The following FLI1 variants were observed in gnomAD, a reference collection of about 807,000 sequenced individuals.
FLI1 encodes Fli-1 proto-oncogene, ETS transcription factor.
A neutral mutation model predicts 53.1 loss-of-function variants in FLI1; 13 were observed. The observed-to-expected ratio is 0.24, with a 90% CI of 0.16 to 0.39. The LOEUF is 0.39. FLI1 is among the 10% of genes least tolerant of loss of function. The pLI is 1.00. For missense variants in FLI1, 424 were observed against 600.5 expected (o/e 0.71, Z 3.07); for synonymous variants, 244 against 236.7 (o/e 1.03, Z -0.28).
chr11:128,726,454 G>T (rs542028961), intron 1 of FLI1, among the ~76,000 whole-genome samples: 2 of 152,276 alleles, frequency 1.3e-5, no homozygotes, highest in South Asian at 4.1e-4. Flanking sequence ...AAATCCTCAG[G>T]TGTCATCAAA....
At chr11:128,714,610 C>T (rs981835444) in intron 1 of FLI1, among the ~76,000 whole-genome samples, 4 of 151,654 alleles carry the variant, frequency 2.6e-5, no homozygotes, top group African/African-American at 9.7e-5. Context: ...ACAACTTTGG[C>T]AGGAGATATC....
intron 6 of FLI1, chr11:128,806,857 A>C (rs1942795316): frequency 4.7e-6 from 1 of 211,360 alleles, no homozygotes; most frequent in South Asian, 1.7e-4. Context: ...CTATACTGTT[A>C]GTTTACTTTT....
upstream of FLI1, among the ~76,000 whole-genome samples, chr11:128,688,963 A>C (rs1937635926): frequency 6.6e-6 from 1 of 152,168 alleles, no homozygotes; most frequent in Admixed American, 6.5e-5. Context: ...GGTTAATGTG[A>C]TGTGAGGGGC....
At chr11:128,798,378 A>G (rs1942507559) in intron 5 of FLI1, among the ~76,000 whole-genome samples, 1 of 151,344 alleles carries the variant, frequency 6.6e-6, no homozygotes, top group Non-Finnish European at 1.5e-5. Flanking sequence ...GAAATAGAAG[A>G]AGGTCCCAGG....
intron 5 of FLI1, among the ~76,000 whole-genome samples, chr11:128,791,769 C>G (rs1162867566): frequency 1.3e-5 from 2 of 152,168 alleles, no homozygotes; most frequent in Non-Finnish European, 2.9e-5. Context: ...TCAGTCCCAT[C>G]CCTGAACAAG....
chr11:128,762,627 G>A (rs1039269818), intron 2 of FLI1, among the ~76,000 whole-genome samples: 4 of 152,122 alleles, frequency 2.6e-5, no homozygotes, highest in Non-Finnish European at 5.9e-5. Context: ...TCATCGTTTT[G>A]TTTTCTTTTA....
chr11:128,773,268 T>C (rs1290722754), intron 4 of FLI1, among the ~76,000 whole-genome samples: 1 of 152,208 alleles, frequency 6.6e-6, no homozygotes, highest in African/African-American at 2.4e-5. Flanking sequence ...GAGACCGCCT[T>C]TCCAGAAACT....
chr11:128,688,184 G>A (rs960108624), intron 1 of FLI1, among the ~76,000 whole-genome samples: 4 of 152,134 alleles, frequency 2.6e-5, no homozygotes, highest in African/African-American at 9.7e-5. Flanking sequence ...ACACACCCCG[G>A]GACCCAGGAC....
chr11:128,704,425 T>C (rs935146692), intron 1 of FLI1, among the ~76,000 whole-genome samples: 2 of 152,216 alleles, frequency 1.3e-5, no homozygotes, highest in Non-Finnish European at 2.9e-5. Flanking sequence ...GAATAGGGCC[T>C]GACGCCACTC....
At chr11:128,686,393 A>T (rs1409657535), upstream of FLI1, 1 of 456,140 alleles carries the variant, frequency 2.2e-6, no homozygotes, top group Non-Finnish European at 4.4e-6. Flanking sequence ...AGGAGACCCA[A>T]TGGTGTGAGG....
At chr11:128,802,665 G>C (rs567873263) in intron 5 of FLI1, among the ~76,000 whole-genome samples, 1 of 152,360 alleles carries the variant, frequency 6.6e-6, no homozygotes, top group African/African-American at 2.4e-5. Flanking sequence ...TCTGCCATCA[G>C]ATGGGCCTGT....
intron 1 of FLI1, among the ~76,000 whole-genome samples, chr11:128,740,403 T>G (rs899349036): frequency 9.2e-5 from 14 of 152,210 alleles, no homozygotes; most frequent in African/African-American, 3.1e-4. Context: ...TGTAATTAAG[T>G]CAGAGAAATC....
At chr11:128,793,891 T>C (rs1942351794) in intron 5 of FLI1, among the ~76,000 whole-genome samples, 1 of 152,072 alleles carries the variant, frequency 6.6e-6, no homozygotes, top group African/African-American at 2.4e-5. Context: ...CCCCATTCGT[T>C]CCCATTGGAC....
At chr11:128,712,749 C>A (rs527917415) in intron 1 of FLI1, among the ~76,000 whole-genome samples, 1 of 152,312 alleles carries the variant, frequency 6.6e-6, no homozygotes, top group South Asian at 2.1e-4. Context: ...CCTCCCGCAA[C>A]ATGTGGGAGT....
chr11:128,685,708 CAAAAAAAAAA>C (rs5795633), upstream of FLI1, among the ~76,000 whole-genome samples: 12 of 57,628 alleles, frequency 2.1e-4, no homozygotes, highest in African/African-American at 3.0e-4. Flanking sequence ...CTTGAGGAGC[CAAAAAAAAAA>C]AAAAAAAAAA....
rs1165637749 is a variant in FLI1 at position 128,812,747 on chromosome 11, A to T, written c.*1759A>T. ...TTTAACTCTGCAGCCTCCCCTGGGC[A>T]CTTCAGACCCAGACGGCCACCTTCT... On this transcript the variant is annotated 3_prime_UTR_variant, in exon 9 of 9. Transcript: ENST00000527786. The T allele has an allele frequency of 4.6e-6, 1 of 217,136 alleles. No individual in the cohort carries two copies. Among genetic ancestry groups the T allele is most frequent in the African/African-American group, 2.2e-5 (1 of 44,566 alleles). The allele number at this position is 217,136 out of a possible 1,614,324, so 13.5% of individuals were successfully genotyped here. A position where few individuals can be genotyped will look rare whatever the true frequency, so the allele number is the denominator to read the frequency against.
chr11:128,803,230 C>G (rs1942682716), intron 5 of FLI1, among the ~76,000 whole-genome samples: 1 of 149,106 alleles, frequency 6.7e-6, no homozygotes, highest in African/African-American at 2.5e-5. Context: ...TCAGATCCAC[C>G]CCACATACCA....
chr11:128,785,336 G>A (rs1942047751), intron 5 of FLI1, among the ~76,000 whole-genome samples: 1 of 151,968 alleles, frequency 6.6e-6, no homozygotes, highest in African/African-American at 2.4e-5. Flanking sequence ...TTGGAGCCTA[G>A]CACTGGGTCT....
At chr11:128,738,348 T>G (rs549239674) in intron 1 of FLI1, among the ~76,000 whole-genome samples, 2 of 152,322 alleles carry the variant, frequency 1.3e-5, no homozygotes, top group East Asian at 3.9e-4. Context: ...AAACAATGCC[T>G]TGAAATACAA....
Sources: gnomAD v4.1 joint callset for allele counts (sites outside exome capture counted in the v4.1 genomes callset) on GRCh38, gnomAD v4.1.1 for gene constraint, MANE v1.5 for transcripts, NCBI Gene and HGNC (gene_info 2026-07-23, HGNC 2026-07-21) for gene names.